Variants in UTF1 observed in about 807,000 individuals in gnomAD.
UTF1 encodes undifferentiated embryonic cell transcription factor 1.
Under a neutral mutation model 11.8 loss-of-function variants are expected in UTF1, and 8 were observed. The ratio of observed to expected loss-of-function variants is 0.68; its 90% CI spans 0.40 to 1.23. The LOEUF is 1.23. UTF1 is among the 50% of genes most tolerant of loss of function. The pLI, the probability that UTF1 is intolerant of heterozygous loss-of-function variation, is 0.01. For synonymous variants in UTF1, 344 were observed against 271.7 expected, an observed-to-expected ratio of 1.27 and a Z score of -2.62; for missense variants, 545 against 542.1, an observed-to-expected ratio of 1.01 and a Z score of -0.05.
Position 133,231,464 on chromosome 10 carries a change from C to A in UTF1, c.*22C>A. 1 of 1,430,796 alleles carries A rather than the reference C, an allele frequency of 7.0e-7. No individual in the cohort carries two copies. The highest frequency in any genetic ancestry group is 1.5e-5 in the African/African-American group (1 of 68,572). 88.6% of individuals were successfully genotyped at this position (1,430,796 alleles called of 1,614,324 possible). ...GTGAGTCCCGGCTGCGGCCAGTCTC[C>A]CCTCTCCAGGCCGAGGCCCCTCCGC... On this transcript the variant is annotated 3_prime_UTR_variant, in exon 2 of 2. Coordinates refer to ENST00000304477, the MANE Select transcript of UTF1 (RefSeq NM_003577.3).
Position 133,231,270 on chromosome 10 carries a change from A to C in UTF1, c.854A>C (p.His285Pro). Residue 285 changes from histidine to proline, a missense_variant, in exon 2 of 2, where the codon CAC (histidine) becomes CCC (proline). By Grantham distance (77) the His-to-Pro change is moderately conservative. This residue lies in a region of UTF1 where 394 missense variants were observed against 341.5 expected (regional missense o/e 1.15). Transcript: ENST00000304477. ...ACCGCCCTGCTGCAGACCCTGGGGC[A>C]CCTGGGCGACATCGCGAACATCCTG... ...LNTALLQTLGHLGDIANILGP... is the reference protein window; with the variant it reads ...LNTALLQTLGPLGDIANILGP... The C allele has an allele frequency of 6.3e-7, 1 of 1,586,170 alleles. No individual in the cohort carries two copies. Among genetic ancestry groups the C allele is most frequent in the Non-Finnish European group, 8.5e-7 (1 of 1,170,496 alleles).
In UTF1 at chr10:133,231,339, A is replaced by G; in HGVS notation, c.923A>G (p.Glu308Gly). 1 of 1,598,520 alleles carries G rather than the reference A, an allele frequency of 6.3e-7. No individual in the cohort carries two copies. Among genetic ancestry groups the G allele is most frequent in the Non-Finnish European group, 8.5e-7 (1 of 1,176,354 alleles). The part of the protein sequence containing the change: ...DQLLTLNQHV[E>G]QLRGAFDQTV... ...CTGCTGACCTTGAACCAGCACGTGG[A>G]GCAGCTGCGCGGCGCCTTCGACCAG... Residue 308 changes from glutamate (E) to glycine (G), a missense_variant, in exon 2 of 2, where the codon GAG becomes GGG. This residue lies in a region of UTF1 where 394 missense variants were observed against 341.5 expected (regional missense o/e 1.15). Transcript: ENST00000304477.
chr10:133,231,122 G>T lies in UTF1; in HGVS notation c.706G>T (p.Asp236Tyr), dbSNP rs1589785011. 6.4e-6 allele frequency: 8 copies of T among 1,246,486 alleles called. No individual in the cohort carries two copies. The highest frequency in any genetic ancestry group is 3.2e-5 in the African/African-American group (2 of 63,074). 77.2% of individuals were successfully genotyped at this position (1,246,486 alleles called of 1,614,324 possible). Reference sequence around the variant, plus strand: ...CGCCCTCGCCACCTGCATCCCCGAGGACCGCGCGCCCGTCCGCGGCCCCGG... The same window carrying T: ...CGCCCTCGCCACCTGCATCCCCGAGTACCGCGCGCCCGTCCGCGGCCCCGG... Reference protein sequence around the residue: ...PTALATCIPEDRAPVRGPGSP... With the variant: ...PTALATCIPEYRAPVRGPGSP... The change falls in exon 2 of 2, where the codon GAC (aspartate) becomes TAC (tyrosine). Residue 236 changes from aspartate to tyrosine, a missense_variant. By Grantham distance (160) the Asp-to-Tyr change is radical. Coordinates refer to ENST00000304477, the MANE Select transcript of UTF1 (RefSeq NM_003577.3).
In UTF1 at chr10:133,231,048, C is replaced by G; in HGVS notation, c.632C>G (p.Ser211Cys). 1 of 1,307,106 alleles carries G rather than the reference C, an allele frequency of 7.7e-7. No homozygotes were observed. Among genetic ancestry groups the G allele is most frequent in the Non-Finnish European group, 9.7e-7 (1 of 1,032,878 alleles). 81.0% of individuals were successfully genotyped at this position (1,307,106 alleles called of 1,614,324 possible). Residue 211 changes from serine to cysteine, a missense_variant, in exon 2 of 2, where the codon TCT (serine) becomes TGT (cysteine). By Grantham distance (112) the Ser-to-Cys change is moderately radical (BLOSUM62 -1). Around this residue, in one of 3 missense-constraint regions of UTF1, gnomAD observed 394 missense variants for 341.5 expected, o/e 1.15. Coordinates refer to ENST00000304477, the MANE Select transcript of UTF1 (RefSeq NM_003577.3). ...TLRFSPSPPK[S>C]ADASPAPGSP... is the part of the protein sequence containing the mutation. ...CGCTTCAGCCCGTCCCCACCGAAGT[C>G]TGCGGACGCCTCCCCCGCCCCCGGC... is the stretch of plus-strand genomic sequence containing the variant.
At position 133,230,433 on chromosome 10, in the gene UTF1, C is replaced by T; in HGVS notation, c.145C>T (p.Leu49Phe). 2.2e-6 allele frequency: 3 copies of T among 1,387,552 alleles called. No individual in the cohort carries two copies. The highest frequency in any genetic ancestry group is 1.5e-5 in the South Asian group (1 of 67,820). 86.0% of individuals were successfully genotyped at this position (1,387,552 alleles called of 1,614,324 possible). A position where few individuals can be genotyped will look rare whatever the true frequency, so the allele number is the denominator to read the frequency against. Residue 49 changes from leucine to phenylalanine, a missense_variant, in exon 1 of 2, where the codon CTC becomes TTC. Leu to Phe is a conservative substitution (Grantham distance 22). This residue lies in a region of UTF1 where 129 missense variants were observed against 148.5 expected (regional missense o/e 0.87). Transcript: ENST00000304477. ...RPASPSALGE[L>F]GLPVSPGSAQ... ...CGCCTCGCCCAGCGCGCTGGGGGAA[C>T]TCGGGTTGCCGGTGTCCCCGGGCTC...
At position 133,230,959 on chromosome 10, in the gene UTF1, G is replaced by A; in HGVS notation, c.551-8G>A. The A allele has an allele frequency of 7.7e-7, 1 of 1,304,634 alleles. No individual in the cohort carries two copies. The highest frequency in any genetic ancestry group is 2.2e-5 in the South Asian group (1 of 45,812). The allele number at this position is 1,304,634 out of a possible 1,614,324, so 80.8% of individuals were successfully genotyped here. A position where few individuals can be genotyped will look rare whatever the true frequency, so the allele number is the denominator to read the frequency against. On this transcript the variant is annotated splice_region_variant and splice_polypyrimidine_tract_variant and intron_variant, in intron 1 of 1. Transcript: ENST00000304477. Reference sequence around the variant, plus strand: ...AAATCCGCCCGACCGCCTGCTCCGCGTTCCCAGACGCCACCCCGCTGCCCA... The same window carrying A: ...AAATCCGCCCGACCGCCTGCTCCGCATTCCCAGACGCCACCCCGCTGCCCA...
rs1845798607 is a variant in UTF1 at position 133,231,416 on chromosome 10, G to C, written c.1000G>C (p.Gly334Arg). The C allele has an allele frequency of 1.3e-6, 2 of 1,527,490 alleles. No homozygotes were observed. The highest frequency in any genetic ancestry group is 8.8e-7 in the Non-Finnish European group (1 of 1,142,164). 94.6% of individuals were successfully genotyped at this position (1,527,490 alleles called of 1,614,324 possible). A position where few individuals can be genotyped will look rare whatever the true frequency, so the allele number is the denominator to read the frequency against. ...TCTGGGCAGCGCGGCCGCCGAGCGA[G>C]GGGTCCTCAGGGACCCGTGCCAGTG... Reference protein sequence around the residue: ...FILGSAAAERGVLRDPCQ With the variant: ...FILGSAAAERRVLRDPCQ The change falls in exon 2 of 2, where the codon GGG becomes CGG. Residue 334 changes from glycine (G) to arginine (R), a missense_variant. By Grantham distance (125) the Gly-to-Arg change is moderately radical. This residue lies in a region of UTF1 where 394 missense variants were observed against 341.5 expected (regional missense o/e 1.15). Transcript: ENST00000304477.
In UTF1 at chr10:133,230,711, G is replaced by T. The variant is rs1289403270; in HGVS notation, c.423G>T (p.Arg141=). 2.7e-6 allele frequency: 4 copies of T among 1,473,632 alleles called. No homozygotes were observed. The South Asian group carries it at 5.2e-5, about 19-fold the overall frequency. The allele number at this position is 1,473,632 out of a possible 1,614,324, so 91.3% of individuals were successfully genotyped here. A position where few individuals can be genotyped will look rare whatever the true frequency, so the allele number is the denominator to read the frequency against. ...CCGGGCCCTTCGACGAGCAGATCCG[G>T]AAGCTCATGGGGCTGCTGGGCGACA... ...QPPGPFDEQI[R]KLMGLLGDNG... is the part of the protein sequence containing the mutation. The change falls in exon 1 of 2, where the codon CGG becomes CGT. Residue 141 remains arginine, a synonymous_variant. Coordinates refer to ENST00000304477, the MANE Select transcript of UTF1 (RefSeq NM_003577.3).
chr10:133,230,812 C>G lies in UTF1; in HGVS notation c.524C>G (p.Ala175Gly). The change falls in exon 1 of 2, where the codon GCG becomes GGG. Residue 175 changes from alanine (A) to glycine (G), a missense_variant. Physicochemically the swap from Ala to Gly is moderately conservative, Grantham distance 60 (BLOSUM62 0). Around this residue, in one of 3 missense-constraint regions of UTF1, gnomAD observed 394 missense variants for 341.5 expected, o/e 1.15. Transcript: ENST00000304477. ...PQRARRPVPN[A>G]HAPAPSEPDA... ...CGCGCCCGCCGCCCGGTCCCCAACG[C>G]GCACGCGCCGGCTCCCAGCGAACCA... 7.6e-7 allele frequency: 1 copy of G among 1,316,604 alleles called. No homozygotes were observed. The highest frequency in any genetic ancestry group is 9.6e-7 in the Non-Finnish European group (1 of 1,041,726). The allele number at this position is 1,316,604 out of a possible 1,614,324, so 81.6% of individuals were successfully genotyped here.
In UTF1 at chr10:133,231,380, G is replaced by A; in HGVS notation, c.964G>A (p.Val322Met). ...GAFDQTVSLA[V>M]GFILGSAAAE... Reference sequence around the variant, plus strand: ...CTTCGACCAGACAGTGTCCCTGGCCGTGGGCTTCATTCTGGGCAGCGCGGC... The same window carrying A: ...CTTCGACCAGACAGTGTCCCTGGCCATGGGCTTCATTCTGGGCAGCGCGGC... Residue 322 changes from valine to methionine, a missense_variant, in exon 2 of 2, where the codon GTG becomes ATG. Around this residue, in one of 3 missense-constraint regions of UTF1, gnomAD observed 394 missense variants for 341.5 expected, o/e 1.15. Coordinates refer to ENST00000304477, the MANE Select transcript of UTF1 (RefSeq NM_003577.3). The A allele has an allele frequency of 6.3e-7, 1 of 1,590,508 alleles. No individual in the cohort carries two copies.
Position 133,231,035 on chromosome 10 carries a change from T to C in UTF1, c.619T>C (p.Ser207Pro). The change falls in exon 2 of 2, where the codon TCC becomes CCC. Residue 207 changes from serine (S) to proline (P), a missense_variant. Physicochemically the swap from Ser to Pro is moderately conservative, Grantham distance 74. Transcript: ENST00000304477. ...CACCTGGACGCTCCGCTTCAGCCCG[T>C]CCCCACCGAAGTCTGCGGACGCCTC... ...DPTWTLRFSP[S>P]PPKSADASPA... 7.6e-7 allele frequency: 1 copy of C among 1,318,302 alleles called. No individual in the cohort carries two copies. Among genetic ancestry groups the C allele is most frequent in the Non-Finnish European group, 9.6e-7 (1 of 1,038,896 alleles). 81.7% of individuals were successfully genotyped at this position (1,318,302 alleles called of 1,614,324 possible). A position where few individuals can be genotyped will look rare whatever the true frequency, so the allele number is the denominator to read the frequency against.
In UTF1 at chr10:133,230,828, C is replaced by A. The variant is rs781220009; in HGVS notation, c.540C>A (p.Pro180=). The A allele has an allele frequency of 2.3e-6, 3 of 1,304,726 alleles. No individual in the cohort carries two copies. The highest frequency in any genetic ancestry group is 2.9e-6 in the Non-Finnish European group (3 of 1,035,078). The allele number at this position is 1,304,726 out of a possible 1,614,324, so 80.8% of individuals were successfully genotyped here. A position where few individuals can be genotyped will look rare whatever the true frequency, so the allele number is the denominator to read the frequency against. Residue 180 remains proline, a synonymous_variant, in exon 1 of 2, where the codon CCC becomes CCA. Coordinates refer to ENST00000304477, the MANE Select transcript of UTF1 (RefSeq NM_003577.3). ...RPVPNAHAPA[P]SEPDATPLPT... ...TCCCCAACGCGCACGCGCCGGCTCC[C>A]AGCGAACCAGGTAGGCGGGGGACTG...
chr10:133,230,700 G>C lies in UTF1; in HGVS notation c.412G>C (p.Glu138Gln). ...CGGCCAGCCGCCCGGGCCCTTCGACGAGCAGATCCGGAAGCTCATGGGGCT... is the reference window on the plus strand; with the variant it reads ...CGGCCAGCCGCCCGGGCCCTTCGACCAGCAGATCCGGAAGCTCATGGGGCT... Reference protein sequence around the residue: ...AHGQPPGPFDEQIRKLMGLLG... With the variant: ...AHGQPPGPFDQQIRKLMGLLG... Residue 138 changes from glutamate (E) to glutamine (Q), a missense_variant, in exon 1 of 2, where the codon GAG becomes CAG. Transcript: ENST00000304477. 2.0e-6 allele frequency: 3 copies of C among 1,481,758 alleles called. No individual in the cohort carries two copies. The highest frequency in any genetic ancestry group is 2.7e-6 in the Non-Finnish European group (3 of 1,123,310). The allele number at this position is 1,481,758 out of a possible 1,614,324, so 91.8% of individuals were successfully genotyped here. A position where few individuals can be genotyped will look rare whatever the true frequency, so the allele number is the denominator to read the frequency against.
chr10:133,230,896 G>T (rs1223959014), intron 1 of UTF1, 58 bp downstream of exon 1: 3 of 1,280,660 alleles, frequency 2.3e-6, no homozygotes, highest in East Asian at 6.5e-5. Flanking sequence ...ACCGGGGGCT[G>T]CCGAGGGCTG....
In UTF1 at chr10:133,231,251, C is replaced by A; in HGVS notation, c.835C>A (p.Leu279Met). Residue 279 changes from leucine to methionine, a missense_variant, in exon 2 of 2, where the codon CTG (leucine) becomes ATG (methionine). By Grantham distance (15) the Leu-to-Met change is conservative. This residue lies in a region of UTF1 where 394 missense variants were observed against 341.5 expected (regional missense o/e 1.15). Coordinates refer to ENST00000304477, the MANE Select transcript of UTF1 (RefSeq NM_003577.3). ...CGCGCCCCCGTCGCTGAACACCGCCCTGCTGCAGACCCTGGGGCACCTGGG... is the reference window on the plus strand; with the variant it reads ...CGCGCCCCCGTCGCTGAACACCGCCATGCTGCAGACCCTGGGGCACCTGGG... The part of the protein sequence containing the change: ...PAAPPSLNTA[L>M]LQTLGHLGDI... 6.4e-7 allele frequency: 1 copy of A among 1,569,140 alleles called. No homozygotes were observed. Among genetic ancestry groups the A allele is most frequent in the East Asian group, 2.3e-5 (1 of 42,626 alleles).
In UTF1 at chr10:133,230,851, C is replaced by T; in HGVS notation, c.550+13C>T. ...CCCAGCGAACCAGGTAGGCGGGGGACTGGGGGGCCAGGTGGGGCCGAGGAC... is the reference window on the plus strand; with the variant it reads ...CCCAGCGAACCAGGTAGGCGGGGGATTGGGGGGCCAGGTGGGGCCGAGGAC... On this transcript the variant is annotated intron_variant, in intron 1 of 1. Transcript: ENST00000304477. 2 of 1,295,888 alleles carry T rather than the reference C, an allele frequency of 1.5e-6. No homozygotes were observed. Among genetic ancestry groups the T allele is most frequent in the Non-Finnish European group, 1.9e-6 (2 of 1,029,446 alleles). The allele number at this position is 1,295,888 out of a possible 1,614,324, so 80.3% of individuals were successfully genotyped here. A position where few individuals can be genotyped will look rare whatever the true frequency, so the allele number is the denominator to read the frequency against.
In UTF1 at chr10:133,231,224, G is replaced by C; in HGVS notation, c.808G>C (p.Ala270Pro). 14 of 1,527,136 alleles carry C rather than the reference G, an allele frequency of 9.2e-6. No homozygotes were observed. The highest frequency in any genetic ancestry group is 1.2e-5 in the Non-Finnish European group (14 of 1,143,346). 94.6% of individuals were successfully genotyped at this position (1,527,136 alleles called of 1,614,324 possible). ...CCCCGAGGACTGCGCGCCCCCTCCGGCCGCGCCCCCGTCGCTGAACACCGC... is the reference window on the plus strand; with the variant it reads ...CCCCGAGGACTGCGCGCCCCCTCCGCCCGCGCCCCCGTCGCTGAACACCGC... ...GRPEDCAPPP[A>P]APPSLNTALL... Residue 270 changes from alanine to proline, a missense_variant, in exon 2 of 2, where the codon GCC (alanine) becomes CCC (proline). Physicochemically the swap from Ala to Pro is conservative, Grantham distance 27. Around this residue, in one of 3 missense-constraint regions of UTF1, gnomAD observed 394 missense variants for 341.5 expected, o/e 1.15. Transcript: ENST00000304477.
Position 133,231,514 on chromosome 10 carries a change from A to C in UTF1, c.*72A>C, listed in dbSNP as rs1372061729. On this transcript the variant is annotated 3_prime_UTR_variant, in exon 2 of 2. Transcript: ENST00000304477. ...CCCTGACCCCTCCTGCTGCCTTCCC[A>C]CCCCCGTTCTTGGGTATGTTCAATA... 4 of 1,214,932 alleles carry C rather than the reference A, an allele frequency of 3.3e-6. No homozygotes were observed. The highest frequency in any genetic ancestry group is 4.3e-6 in the Non-Finnish European group (4 of 919,544). The allele number at this position is 1,214,932 out of a possible 1,614,324, so 75.3% of individuals were successfully genotyped here.
In UTF1 at chr10:133,230,656, A is replaced by G; in HGVS notation, c.368A>G (p.Asp123Gly). 1 of 1,487,744 alleles carries G rather than the reference A, an allele frequency of 6.7e-7. No homozygotes were observed. The highest frequency in any genetic ancestry group is 8.9e-7 in the Non-Finnish European group (1 of 1,127,220). The allele number at this position is 1,487,744 out of a possible 1,614,324, so 92.2% of individuals were successfully genotyped here. The change falls in exon 1 of 2, where the codon GAC becomes GGC. Residue 123 changes from aspartate (D) to glycine (G), a missense_variant. This residue lies in a region of UTF1 where 22 missense variants were observed against 52.1 expected (regional missense o/e 0.42). Transcript: ENST00000304477. ...QCRRRYKFLK[D>G]KFREAHGQPP... ...CGCCGCCGCTACAAGTTCCTTAAAG[A>G]CAAGTTTCGCGAGGCGCACGGCCAG...
Sources: allele counts gnomAD v4.1 joint callset, GRCh38; gene constraint gnomAD v4.1.1; regional missense constraint gnomAD v4.1.1; transcripts MANE v1.5; gene names NCBI Gene and HGNC (gene_info 2026-07-23, HGNC 2026-07-21).